Variants in SMARCC2 observed in about 807,000 individuals in gnomAD.
SMARCC2 encodes SWI/SNF complex subunit SMARCC2.
A neutral mutation model predicts 151.3 loss-of-function variants in SMARCC2; 15 were observed. That is an observed-to-expected ratio of 0.10 (90% CI 0.07 to 0.15). SMARCC2 has a LOEUF of 0.15. Among genes scored for constraint, SMARCC2 ranks in the 10% least tolerant of loss-of-function variants. SMARCC2 has a pLI of 1.00. For synonymous variants in SMARCC2, 590 were observed against 609.5 expected (o/e 0.97, Z 0.47); for missense variants, 1,031 against 1,599.7 (o/e 0.64, Z 6.06).
chr12:56,176,192 A>G (rs1295713416), intron 15 of SMARCC2, among the ~76,000 whole-genome samples: 1 of 151,914 alleles, frequency 6.6e-6, no homozygotes, highest in Non-Finnish European at 1.5e-5. Context: ...TTCAGTTCCT[A>G]CTCCAACCCT....
intron 6 of SMARCC2, 36 bp from the exon 7 acceptor site, chr12:56,183,966 TA>T (rs754898178): frequency 1.3e-6 from 2 of 1,500,252 alleles, no homozygotes; most frequent in South Asian, 2.3e-5. Context: ...AGATATAAGC[TA>T]AAGGGGGACA....
intron 7 of SMARCC2, 60 bp from the exon 8 acceptor site, chr12:56,182,139 G>T: frequency 8.3e-7 from 1 of 1,200,536 alleles, no homozygotes; most frequent in Non-Finnish European, 1.2e-6. Context: ...GAAAAGTAAA[G>T]TGCAGATCTT....
At position 56,178,970 on chromosome 12, in the gene SMARCC2, G is replaced by C. The variant is rs766003305; in HGVS notation, c.1141+27C>G. ...CCCTCCCCTTCCCTTGGCTCTGACT[G>C]CCGTGCCCAAGAGGCTCCTGTCTTA... On this transcript the variant is annotated intron_variant, in intron 12 of 28. Coordinates refer to ENST00000550164, the MANE Select transcript of SMARCC2 (RefSeq NM_001330288.2). 5 of 1,612,650 alleles carry C rather than the reference G, an allele frequency of 3.1e-6. No individual in the cohort carries two copies. In the East Asian group the frequency reaches 1.1e-4, roughly 36 times the overall value.
chr12:56,184,767 G>C (rs1876903829), intron 5 of SMARCC2, 77 bp downstream of exon 5: 4 of 862,492 alleles, frequency 4.6e-6, no homozygotes, highest in Non-Finnish European at 7.8e-6. Flanking sequence ...TGGTAATTCA[G>C]GGCTGCTGCT....
At chr12:56,183,960 A>G (rs1293373021) in intron 6 of SMARCC2, 30 bp from the exon 7 acceptor site, 22 of 1,548,932 alleles carry the variant, frequency 1.4e-5, no homozygotes. Context: ...AGGGAGAGAT[A>G]TAAGCTAAAG....
rs1873576199 is a variant in SMARCC2 at position 56,169,879 on chromosome 12, C to T, written c.2445G>A (p.Glu815=). Residue 815 remains glutamate, a synonymous_variant, in exon 24 of 29, where the codon GAG becomes GAA. Transcript: ENST00000550164. ...CCTCGCTGGTTTTCTCTTTTGCTTC[C>T]TCCTCTATAGCACCCCCTCCTTCTC... ...EPREGGGAIE[E]EAKEKTSEAP... The T allele has an allele frequency of 6.2e-6, 10 of 1,613,940 alleles. No individual in the cohort carries two copies. The highest frequency in any genetic ancestry group is 8.5e-6 in the Non-Finnish European group (10 of 1,180,008).
In SMARCC2 at chr12:56,171,315, C is replaced by T; in HGVS notation, c.2303G>A (p.Ser768Asn). Residue 768 changes from serine (S) to asparagine (N), a missense_variant, in exon 22 of 29, where the codon AGC (serine) becomes AAC (asparagine). By Grantham distance (46) the Ser-to-Asn change is conservative (BLOSUM62 1). Around this residue, in one of 12 missense-constraint regions of SMARCC2, gnomAD observed 119 missense variants for 184.2 expected, o/e 0.65. Coordinates refer to ENST00000550164, the MANE Select transcript of SMARCC2 (RefSeq NM_001330288.2). This position sits in a 1 kb window ranked among gnomAD's most constrained non-coding sequence, Gnocchi z 4.2. ...AGAGGTGGTTCCTGCAATGCCACTGCTTTCCAGACCGAAGGCAGGGTCCGC... is the reference window on the plus strand; with the variant it reads ...AGAGGTGGTTCCTGCAATGCCACTGTTTTCCAGACCGAAGGCAGGGTCCGC... ...GKADPAFGLE[S>N]SGIAGTTSDE... 6.2e-7 allele frequency: 1 copy of T among 1,614,216 alleles called. No homozygotes were observed. Among genetic ancestry groups the T allele is most frequent in the Non-Finnish European group, 8.5e-7 (1 of 1,180,032 alleles).
In SMARCC2 at chr12:56,164,699, G is replaced by T; in HGVS notation, c.3265C>A (p.Pro1089Thr). The T allele has an allele frequency of 6.2e-7, 1 of 1,611,366 alleles. No individual in the cohort carries two copies. Among genetic ancestry groups the T allele is most frequent in the Non-Finnish European group, 8.5e-7 (1 of 1,178,810 alleles). The stretch of plus-strand genomic sequence containing the variant: ...GGCACTGCCCCTGGCATCATTGAGG[G>T]AGGAGTTTGTTGGTTGGGGAACGGT... ...PSPFPNQQTP[P>T]SMMPGAVPGS... The change falls in exon 28 of 29, where the codon CCC (proline) becomes ACC (threonine). Residue 1089 changes from proline to threonine, a missense_variant. Around this residue, in one of 12 missense-constraint regions of SMARCC2, gnomAD observed 310 missense variants for 350.0 expected, o/e 0.89. Transcript: ENST00000550164.
At chr12:56,186,352 T>C (rs1054590549) in intron 2 of SMARCC2, 112 bp from the exon 3 acceptor site, 31 of 468,898 alleles carry the variant, frequency 6.6e-5, no homozygotes, top group Non-Finnish European at 9.6e-5. Context: ...GATCTCCCTT[T>C]TTTTTTTTTT....
At chr12:56,175,149 T>A (rs762278790) in intron 15 of SMARCC2, among the ~76,000 whole-genome samples, 1 of 152,126 alleles carries the variant, frequency 6.6e-6, no homozygotes, top group East Asian at 1.9e-4. Flanking sequence ...GTAGCTCTGA[T>A]TACAGGCATG....
chr12:56,163,741 T>C lies in SMARCC2; in HGVS notation c.3686A>G (p.Asp1229Gly). 2 of 1,510,502 alleles carry C rather than the reference T, an allele frequency of 1.3e-6. No homozygotes were observed. Among genetic ancestry groups the C allele is most frequent in the Non-Finnish European group, 1.8e-6 (2 of 1,140,174 alleles). 93.6% of individuals were successfully genotyped at this position (1,510,502 alleles called of 1,614,324 possible). A position where few individuals can be genotyped will look rare whatever the true frequency, so the allele number is the denominator to read the frequency against. The change falls in exon 29 of 29, where the codon GAC becomes GGC. Residue 1229 changes from aspartate to glycine, a missense_variant. Around this residue, in one of 12 missense-constraint regions of SMARCC2, gnomAD observed 310 missense variants for 350.0 expected, o/e 0.89. Transcript: ENST00000550164. ...LPDPGTPLPP[D>G]PTAPSPGTVT... is the part of the protein sequence containing the mutation. ...CGTGCCTGGGCTCGGGGCTGTGGGG[T>C]CTGGAGGCAGGGGGGTGCCTGGGTC...
At chr12:56,170,919 G>C (rs1873829068) in intron 22 of SMARCC2, among the ~76,000 whole-genome samples, 1 of 151,378 alleles carries the variant, frequency 6.6e-6, no homozygotes, top group Non-Finnish European at 1.5e-5. Context: ...ATTTAGTAGA[G>C]ACAGGGTTTC....
In SMARCC2 at chr12:56,171,109, C is replaced by T. The variant is rs1873868155; in HGVS notation, c.2347+162G>A. Among the ~76,000 whole-genome samples the T allele has an allele frequency of 6.6e-6, 1 of 152,220 alleles. No homozygotes were observed. The highest frequency in any genetic ancestry group is 1.5e-5 in the Non-Finnish European group (1 of 68,036). On this transcript the variant is annotated intron_variant, in intron 22 of 28. Transcript: ENST00000550164. The surrounding 1 kb of genome is among the most constrained non-coding windows in gnomAD (Gnocchi z 4.2). ...AATCTTCATGAGAGGACTAGTAGGG[C>T]TCCAGAGCCCCTGAGGTAAACTCAT...
At chr12:56,172,556 T>C (rs1874150915) in intron 19 of SMARCC2, 29 bp downstream of exon 19, 1 of 1,613,966 alleles carries the variant, frequency 6.2e-7, no homozygotes, top group Non-Finnish European at 8.5e-7. Flanking sequence ...GAACATTCTC[T>C]ACCCCTAGAG....
Position 56,184,956 on chromosome 12 carries a change from A to C in SMARCC2, c.400-20T>G. ...ATTATTCTGTGGAGAGAAGAAATAG[A>C]ATGAGATTATAGGAAAGGGGTGTTT... On this transcript the variant is annotated intron_variant, in intron 4 of 28. Transcript: ENST00000550164. The C allele has an allele frequency of 6.2e-7, 1 of 1,604,982 alleles. No homozygotes were observed. The highest frequency in any genetic ancestry group is 8.5e-7 in the Non-Finnish European group (1 of 1,171,782).
intron 10 of SMARCC2, 99 bp from the exon 11 acceptor site, chr12:56,181,200 G>A (rs1191290574): frequency 1.6e-6 from 2 of 1,237,284 alleles, no homozygotes; most frequent in East Asian, 2.3e-5. Flanking sequence ...AGAATTCCAA[G>A]GGTAGAGCTG....
chr12:56,179,252 T>C (rs976795888), intron 11 of SMARCC2, among the ~76,000 whole-genome samples, 196 bp from the exon 12 acceptor site: 2 of 152,186 alleles, frequency 1.3e-5, no homozygotes, highest in African/African-American at 4.8e-5. Context: ...AAAAATTAAT[T>C]TAACTTATTT....
chr12:56,164,480 G>A lies in SMARCC2; in HGVS notation c.3484C>T (p.Pro1162Ser). The part of the protein sequence containing the change: ...HHLPFAPGTL[P>S]PPNLPVSMAN... ...ATGGACACAGGCAGGTTAGGTGGGG[G>A]GAGAGTGCCCGGGGCGAACGGGAGA... Residue 1162 changes from proline to serine, a missense_variant, in exon 28 of 29, where the codon CCC becomes TCC. Physicochemically the swap from Pro to Ser is moderately conservative, Grantham distance 74. Around this residue, in one of 12 missense-constraint regions of SMARCC2, gnomAD observed 310 missense variants for 350.0 expected, o/e 0.89. Transcript: ENST00000550164. The A allele has an allele frequency of 1.9e-6, 3 of 1,614,216 alleles. No individual in the cohort carries two copies. Among genetic ancestry groups the A allele is most frequent in the Non-Finnish European group, 2.5e-6 (3 of 1,180,046 alleles).
rs776129006 is a variant in SMARCC2 at position 56,184,986 on chromosome 12, T to G, written c.399+44A>C. The G allele has an allele frequency of 1.9e-6, 3 of 1,587,724 alleles. No individual in the cohort carries two copies. The East Asian group carries it at 6.7e-5, about 35-fold the overall frequency. The stretch of plus-strand genomic sequence containing the variant: ...GATTATAGGAAAGGGGTGTTTTAGA[T>G]TCTCACTGAGGGAAGGGAGATAAAT... On this transcript the variant is annotated intron_variant, in intron 4 of 28. Coordinates refer to ENST00000550164, the MANE Select transcript of SMARCC2 (RefSeq NM_001330288.2).
Sources: gnomAD v4.1 joint callset for allele counts (sites outside exome capture counted in the v4.1 genomes callset) on GRCh38, gnomAD v4.1.1 for gene constraint, gnomAD v4.1.1 regional missense constraint, Gnocchi (gnomAD v3.1) non-coding constraint, MANE v1.5 for transcripts, NCBI Gene and HGNC (gene_info 2026-07-23, HGNC 2026-07-21) for gene names.